The following MAFK variants were observed in gnomAD, a reference collection of about 807,000 sequenced individuals.
MAFK encodes MAF bZIP transcription factor K, also known as transcription factor MafK.
In MAFK, 1 loss-of-function variant was observed where a neutral mutation model predicts 9.2. The ratio of observed to expected loss-of-function variants is 0.11; its 90% CI spans 0.04 to 0.52. The LOEUF (loss-of-function observed/expected upper bound fraction) is 0.52, where lower values mean the gene tolerates loss of function less well. MAFK is among the 20% of genes least tolerant of loss of function. The pLI, the probability that MAFK is intolerant of heterozygous loss-of-function variation, is 0.94. For missense variants in MAFK, 207 were observed against 236.0 expected (o/e 0.88, Z 0.81); for synonymous variants, 110 against 107.4 (o/e 1.02, Z -0.15).
chr7:1,533,046 A>C (rs1287797356), intron 1 of MAFK, among the ~76,000 whole-genome samples: 1 of 152,224 alleles, frequency 6.6e-6, no homozygotes, highest in East Asian at 1.9e-4. Flanking sequence ...CAGTTTCAGG[A>C]AACTGGGAGT....
chr7:1,536,982 T>C (rs1784046195), intron 1 of MAFK, among the ~76,000 whole-genome samples: 1 of 152,182 alleles, frequency 6.6e-6, no homozygotes, highest in South Asian at 2.1e-4. Flanking sequence ...AGGGCCCCAG[T>C]GCAGGTGTGC....
At position 1,533,066 on chromosome 7, in the gene MAFK, A is replaced by G. The variant is rs116186414; in HGVS notation, c.-45+2168A>G. Among the ~76,000 whole-genome samples the G allele has an allele frequency of 6.0e-3, 918 of 152,292 alleles. 15 individuals are homozygous for G. The highest frequency in any genetic ancestry group is 0.021 in the South Asian group (100 of 4,822). ...TCAGGAAACTGGGAGTGTCGTCTTA[A>G]AATCATAGAGTTTTAGAGCAGGTAC... On this transcript the variant is annotated intron_variant, in intron 1 of 2. Transcript: ENST00000343242.
At chr7:1,535,739 C>T (rs558811453) in intron 1 of MAFK, among the ~76,000 whole-genome samples, 6 of 152,360 alleles carry the variant, frequency 3.9e-5, no homozygotes, top group African/African-American at 7.2e-5. Context: ...CAGTTCTGGA[C>T]GACTGACCCT....
chr7:1,539,216 T>TA lies in MAFK; in HGVS notation c.26dup (p.Ala10GlyfsTer18). 1.2e-6 allele frequency: 2 copies of TA among 1,611,584 alleles called. No homozygotes were observed. Among genetic ancestry groups the TA allele is most frequent in the Non-Finnish European group, 8.5e-7 (1 of 1,179,044 alleles). On this transcript the variant is annotated frameshift_variant, in exon 2 of 3. Coordinates refer to ENST00000343242, the MANE Select transcript of MAFK (RefSeq NM_002360.4). LOFTEE classifies it high-confidence loss of function. ...TTATGACGACTAATCCCAAACCGAA[T>TA]AAGGCATTAAAGGTAAGGCTGGTTC...
intron 1 of MAFK, chr7:1,538,239 T>C: frequency 1.0e-6 from 1 of 983,900 alleles, no homozygotes; most frequent in Middle Eastern, 5.2e-4. Context: ...TGTGACACAA[T>C]GCAGACGTGA....
chr7:1,535,986 G>A (rs778100638), intron 1 of MAFK, among the ~76,000 whole-genome samples: 1 of 152,226 alleles, frequency 6.6e-6, no homozygotes, highest in South Asian at 2.1e-4. Context: ...TGATGCCCCC[G>A]CTGAGCCTTG....
At position 1,534,836 on chromosome 7, in the gene MAFK, C is replaced by T. The variant is rs1029757237; in HGVS notation, c.-45+3938C>T. 2.6e-5 allele frequency: 9 copies of T among 351,990 alleles called. No homozygotes were observed. The highest frequency in any genetic ancestry group is 5.2e-5 in the Non-Finnish European group (9 of 173,558). 21.8% of individuals were successfully genotyped at this position (351,990 alleles called of 1,614,324 possible). A position where few individuals can be genotyped will look rare whatever the true frequency, so the allele number is the denominator to read the frequency against. ...GCTGAAATCCCCGTTTCTCTATGGGCATCCACAGCCGGGACCGTTCAGAGG... is the reference window on the plus strand; with the variant it reads ...GCTGAAATCCCCGTTTCTCTATGGGTATCCACAGCCGGGACCGTTCAGAGG... On this transcript the variant is annotated intron_variant, in intron 1 of 2. Transcript: ENST00000343242. The surrounding 1 kb of genome is among the most constrained non-coding windows in gnomAD (Gnocchi z 4.3).
chr7:1,541,739 C>T lies in MAFK; in HGVS notation c.*1364C>T, dbSNP rs766092208. The T allele has an allele frequency of 1.3e-5, 2 of 152,230 alleles. No individual in the cohort carries two copies. The highest frequency in any genetic ancestry group is 2.1e-4 in the South Asian group (1 of 4,824). The allele number at this position is 152,230 out of a possible 1,614,324, so 9.4% of individuals were successfully genotyped here. On this transcript the variant is annotated 3_prime_UTR_variant, in exon 3 of 3. Coordinates refer to ENST00000343242, the MANE Select transcript of MAFK (RefSeq NM_002360.4). ...TTGCCTGCTCCTCCTTCCAAGAGCA[C>T]TGAGGCACCAGTGGGCTTGGCACTC...
At position 1,540,639 on chromosome 7, in the gene MAFK, G is replaced by C. The variant is rs932070929; in HGVS notation, c.*264G>C. The C allele has an allele frequency of 9.2e-5, 45 of 488,624 alleles. No homozygotes were observed. Among genetic ancestry groups the C allele is most frequent in the Admixed American group, 7.9e-4 (20 of 25,404 alleles). 30.3% of individuals were successfully genotyped at this position (488,624 alleles called of 1,614,324 possible). ...AGGATGTGTCTGTGTGTGGGAATTG[G>C]TATCTTGCACCCGTGGGAGTCGGGA... On this transcript the variant is annotated 3_prime_UTR_variant, in exon 3 of 3. Transcript: ENST00000343242.
At chr7:1,536,291 TGCGTG>T (rs1249480086) in intron 1 of MAFK, among the ~76,000 whole-genome samples, 2 of 152,086 alleles carry the variant, frequency 1.3e-5, no homozygotes, top group African/African-American at 4.8e-5. Context: ...CGGGTGCTTG[TGCGTG>T]GCGATGCTGG....
At chr7:1,533,822 C>T (rs1331254696) in intron 1 of MAFK, among the ~76,000 whole-genome samples, 1 of 152,096 alleles carries the variant, frequency 6.6e-6, no homozygotes, top group Non-Finnish European at 1.5e-5. Flanking sequence ...CCCCGGAATG[C>T]CCCTGACTGG....
At chr7:1,531,524 G>A (rs1783904920) in intron 1 of MAFK, among the ~76,000 whole-genome samples, 1 of 152,220 alleles carries the variant, frequency 6.6e-6, no homozygotes, top group Non-Finnish European at 1.5e-5. Context: ...GTTGCTGGAA[G>A]GAAGGCCGTG....
At chr7:1,538,306 G>A in intron 1 of MAFK, 1 of 985,642 alleles carries the variant, frequency 1.0e-6, no homozygotes, top group Non-Finnish European at 1.2e-6. Flanking sequence ...TGCTCGGCAG[G>A]GCGGCGGCTC....
chr7:1,542,976 T>A lies in MAFK; in HGVS notation c.*2601T>A, dbSNP rs1035680221. On this transcript the variant is annotated 3_prime_UTR_variant, in exon 3 of 3. Transcript: ENST00000343242. Reference sequence around the variant, plus strand: ...CCGTCCCTGCGGCCACCACCTAATTTATTGCCGTGCGTCCTGCTGCTGTGA... The same window carrying A: ...CCGTCCCTGCGGCCACCACCTAATTAATTGCCGTGCGTCCTGCTGCTGTGA... 2.0e-5 allele frequency: 3 copies of A among 152,742 alleles called. No individual in the cohort carries two copies. Among genetic ancestry groups the A allele is most frequent in the Admixed American group, 2.0e-4 (3 of 15,288 alleles). The allele number at this position is 152,742 out of a possible 1,614,324, so 9.5% of individuals were successfully genotyped here. A position where few individuals can be genotyped will look rare whatever the true frequency, so the allele number is the denominator to read the frequency against.
rs142578618 is a variant in MAFK at position 1,542,336 on chromosome 7, A to G, written c.*1961A>G. The G allele has an allele frequency of 9.9e-3, 1,515 of 152,762 alleles. 11 individuals are homozygous for G. The highest frequency in any genetic ancestry group is 0.034 in the Middle Eastern group (10 of 296). The allele number at this position is 152,762 out of a possible 1,614,324, so 9.5% of individuals were successfully genotyped here. A position where few individuals can be genotyped will look rare whatever the true frequency, so the allele number is the denominator to read the frequency against. On this transcript the variant is annotated 3_prime_UTR_variant, in exon 3 of 3. Coordinates refer to ENST00000343242, the MANE Select transcript of MAFK (RefSeq NM_002360.4). ...AATCTATCAGAGCAGAGCCGGGGGC[A>G]CGGGCACAGGTGGGAGTTGGGAGCA... is the stretch of plus-strand genomic sequence containing the variant.
At chr7:1,537,908 C>T (rs570164031) in intron 1 of MAFK, 58 of 160,306 alleles carry the variant, frequency 3.6e-4, no homozygotes, top group Admixed American at 1.0e-3. Flanking sequence ...CACCCCCCAC[C>T]GCCGTGTGCT....
Position 1,534,278 on chromosome 7 carries a change from C to T in MAFK, c.-45+3380C>T, listed in dbSNP as rs185885659. 7.5e-5 allele frequency: 34 copies of T among 455,820 alleles called. No homozygotes were observed. Among genetic ancestry groups the T allele is most frequent in the Admixed American group, 6.6e-4 (28 of 42,554 alleles). The allele number at this position is 455,820 out of a possible 1,614,324, so 28.2% of individuals were successfully genotyped here. A position where few individuals can be genotyped will look rare whatever the true frequency, so the allele number is the denominator to read the frequency against. On this transcript the variant is annotated intron_variant, in intron 1 of 2. Transcript: ENST00000343242. This position sits in a 1 kb window ranked among gnomAD's most constrained non-coding sequence, Gnocchi z 4.3. ...GTGTCTGGCTGGTCTCTGGGACCAG[C>T]TGGGCTGCAATTAGTCGGTTGACAC... is the stretch of plus-strand genomic sequence containing the variant.
rs983930108 is a variant in MAFK, at chr7:1,534,809, A to G, written c.-45+3911A>G. On this transcript the variant is annotated intron_variant, in intron 1 of 2. Coordinates refer to ENST00000343242, the MANE Select transcript of MAFK (RefSeq NM_002360.4). This position sits in a 1 kb window ranked among gnomAD's most constrained non-coding sequence, Gnocchi z 4.3. Reference sequence around the variant, plus strand: ...TCATCTGGGAAGAATCAGAGCCCCAAAGCTGAAATCCCCGTTTCTCTATGG... The same window carrying G: ...TCATCTGGGAAGAATCAGAGCCCCAGAGCTGAAATCCCCGTTTCTCTATGG... The G allele has an allele frequency of 2.8e-6, 1 of 357,064 alleles. No individual in the cohort carries two copies. Among genetic ancestry groups the G allele is most frequent in the Non-Finnish European group, 5.7e-6 (1 of 175,318 alleles). 22.1% of individuals were successfully genotyped at this position (357,064 alleles called of 1,614,324 possible). A position where few individuals can be genotyped will look rare whatever the true frequency, so the allele number is the denominator to read the frequency against.
At position 1,539,951 on chromosome 7, in the gene MAFK, A is replaced by T. The variant is rs1784136166; in HGVS notation, c.47A>T (p.Glu16Val). 1.6e-5 allele frequency: 25 copies of T among 1,530,568 alleles called. No individual in the cohort carries two copies. The highest frequency in any genetic ancestry group is 2.2e-5 in the Non-Finnish European group (25 of 1,134,156). The allele number at this position is 1,530,568 out of a possible 1,614,324, so 94.8% of individuals were successfully genotyped here. A position where few individuals can be genotyped will look rare whatever the true frequency, so the allele number is the denominator to read the frequency against. Reference protein sequence around the residue: ...KPNKALKVKKEAGENAPVLSD... With the variant: ...KPNKALKVKKVAGENAPVLSD... ...ACTGTGGCCCCCCAGGTCAAGAAGG[A>T]GGCGGGCGAGAACGCCCCGGTGCTC... is the stretch of plus-strand genomic sequence containing the variant. The change falls in exon 3 of 3, where the codon GAG becomes GTG. Residue 16 changes from glutamate to valine, a missense_variant. Coordinates refer to ENST00000343242, the MANE Select transcript of MAFK (RefSeq NM_002360.4).
Sources: allele counts gnomAD v4.1 joint callset (sites outside exome capture counted in the v4.1 genomes callset), GRCh38; gene constraint gnomAD v4.1.1; non-coding constraint Gnocchi (gnomAD v3.1); transcripts MANE v1.5; gene names NCBI Gene and HGNC (gene_info 2026-07-23, HGNC 2026-07-21).